CRB1: variants seen among roughly 807,000 people sequenced by gnomAD.
CRB1 encodes protein crumbs homolog 1.
Under a neutral mutation model 120.0 loss-of-function variants are expected in CRB1, and 83 were observed. The observed-to-expected ratio is 0.69, with a 90% CI of 0.58 to 0.83. The LOEUF (loss-of-function observed/expected upper bound fraction) is 0.83, where lower values mean the gene tolerates loss of function less well. Ranked by LOEUF, CRB1 falls within the 40% of genes least tolerant of loss-of-function variation. The probability of loss-of-function intolerance (pLI) is 0.00; values close to 1 mark genes in which losing one functional copy is unlikely to be tolerated. For missense variants in CRB1, 1,699 were observed against 1,687.6 expected (o/e 1.01, Z -0.12); for synonymous variants, 625 against 612.5 (o/e 1.02, Z -0.30).
At chr1:197,314,151 T>C (rs1461004930) in intron 1 of CRB1, among the ~76,000 whole-genome samples, 1 of 152,204 alleles carries the variant, frequency 6.6e-6, no homozygotes, top group Non-Finnish European at 1.5e-5. Flanking sequence ...GGTACTGCAA[T>C]TATATGGGAA....
chr1:197,374,278 G>T (rs1353910223), intron 5 of CRB1, among the ~76,000 whole-genome samples: 1 of 152,148 alleles, frequency 6.6e-6, no homozygotes, highest in African/African-American at 2.4e-5. Flanking sequence ...CCCCAGTTGG[G>T]AGTGCAAGGA....
At chr1:197,477,596 T>C in intron 11 of CRB1, 68 bp from the exon 12 acceptor site, 1 of 1,459,826 alleles carries the variant, frequency 6.9e-7, no homozygotes, top group East Asian at 2.3e-5. Flanking sequence ...CCTGAGTAGT[T>C]CCATTGTCCT....
At chr1:197,204,767 T>C in the CRB1 span, among the ~76,000 whole-genome samples, 6 of 152,324 alleles carry the variant, frequency 3.9e-5, no homozygotes, top group South Asian at 8.3e-4. Flanking sequence ...GTGCAGAAAA[T>C]TGTAGTTTAA....
In CRB1 at chr1:197,298,609, G is replaced by A. The variant is rs548834635; in HGVS notation, c.71-29813G>A. Among the ~76,000 whole-genome samples, 64 of 152,188 alleles carry A rather than the reference G, an allele frequency of 4.2e-4. No homozygotes were observed. In the South Asian group the frequency reaches 0.013, roughly 31 times the overall value. On this transcript the variant is annotated intron_variant, in intron 1 of 11. Coordinates refer to ENST00000367400, the MANE Select transcript of CRB1 (RefSeq NM_201253.3). ...ACTCCTGAGGAAGAATAATGACTTG[G>A]AGGGAATATGTCCTACCAGATAATA...
At chr1:197,317,907 G>A (rs1025147986) in intron 1 of CRB1, among the ~76,000 whole-genome samples, 2 of 150,564 alleles carry the variant, frequency 1.3e-5, no homozygotes, top group Non-Finnish European at 2.9e-5. Flanking sequence ...AAAACATAGG[G>A]GAAAAGCTCT....
At chr1:197,392,292 C>A (rs1558103526) in intron 5 of CRB1, among the ~76,000 whole-genome samples, 1 of 151,824 alleles carries the variant, frequency 6.6e-6, no homozygotes, top group Non-Finnish European at 1.5e-5. Flanking sequence ...TATATAATTT[C>A]CTTCTTTAAA....
the CRB1 span, among the ~76,000 whole-genome samples, chr1:197,262,570 G>A: frequency 6.6e-6 from 1 of 152,068 alleles, no homozygotes; most frequent in African/African-American, 2.4e-5. Flanking sequence ...GGGTAGATGT[G>A]CAGATATGTT....
intron 2 of CRB1, among the ~76,000 whole-genome samples, chr1:197,335,232 T>C (rs116775056): frequency 1.3e-3 from 204 of 152,236 alleles, no homozygotes; most frequent in African/African-American, 4.3e-3. Context: ...GAGGTCAGAC[T>C]GTTTGGGACC....
intron 1 of CRB1, among the ~76,000 whole-genome samples, chr1:197,310,027 G>A (rs766076729): frequency 6.6e-6 from 1 of 152,070 alleles, no homozygotes; most frequent in Admixed American, 6.6e-5. Context: ...TGATTTTTGT[G>A]TATAGCTTTC....
chr1:197,376,906 A>T (rs937362093), intron 5 of CRB1, among the ~76,000 whole-genome samples: 4 of 151,732 alleles, frequency 2.6e-5, no homozygotes, highest in South Asian at 2.1e-4. Context: ...CTGAGTCCTC[A>T]CTCTCTTCAC....
chr1:197,473,578 A>G (rs1395084469), intron 11 of CRB1, among the ~76,000 whole-genome samples: 1 of 152,022 alleles, frequency 6.6e-6, no homozygotes, highest in Non-Finnish European at 1.5e-5. Context: ...AAAGATGTTA[A>G]TATGATAACT....
At chr1:197,222,881 G>A in the CRB1 span, 16 of 1,359,364 alleles carry the variant, frequency 1.2e-5, no homozygotes, top group South Asian at 2.3e-5. Context: ...AAATTGGGAA[G>A]CATTACAGGG....
intron 5 of CRB1, among the ~76,000 whole-genome samples, chr1:197,360,829 G>A (rs1660731672): frequency 6.6e-6 from 1 of 152,192 alleles, no homozygotes; most frequent in South Asian, 2.1e-4. Flanking sequence ...AGTTGTGAGA[G>A]CAGACGTCTT....
intron 11 of CRB1, among the ~76,000 whole-genome samples, chr1:197,454,478 A>T (rs1225663851): frequency 6.6e-6 from 1 of 152,132 alleles, no homozygotes; most frequent in Admixed American, 6.5e-5. Context: ...TCATTTCTTA[A>T]CGTGAGGTCA....
At chr1:197,265,948 C>T (rs1199830119), upstream of CRB1, among the ~76,000 whole-genome samples, 1 of 152,084 alleles carries the variant, frequency 6.6e-6, no homozygotes, top group Admixed American at 6.6e-5. Flanking sequence ...CTACTTAAAA[C>T]CTATTAATGG....
intron 1 of CRB1, among the ~76,000 whole-genome samples, chr1:197,293,171 T>G (rs1656298246): frequency 6.6e-6 from 1 of 152,186 alleles, no homozygotes; most frequent in South Asian, 2.1e-4. Context: ...CCCCATCGTC[T>G]CAGTGCAAAA....
chr1:197,394,342 G>A (rs1292141278), intron 5 of CRB1, among the ~76,000 whole-genome samples: 1 of 151,948 alleles, frequency 6.6e-6, no homozygotes, highest in Non-Finnish European at 1.5e-5. Flanking sequence ...CATATAACAT[G>A]CAAAATATGT....
intron 2 of CRB1, among the ~76,000 whole-genome samples, chr1:197,329,434 C>A (rs759825849): frequency 3.3e-5 from 5 of 152,084 alleles, no homozygotes; most frequent in Non-Finnish European, 7.4e-5. Context: ...ATCAACAGAT[C>A]AGTGGTAGTA....
rs73071625 is a variant in CRB1, at chr1:197,341,805, C to T, written c.653-2476C>T. On this transcript the variant is annotated intron_variant, in intron 2 of 11. Transcript: ENST00000367400. ...TTCCACACAATCCTCTTTGAAGAGT[C>T]CTTATCTCCATGATTCATTCTTAAG... 3.0e-3 allele frequency among the ~76,000 whole-genome samples: 457 copies of T among 152,242 alleles called. 1 individual carries two copies. The highest frequency in any genetic ancestry group is 0.01 in the African/African-American group (433 of 41,530).
Sources: allele counts gnomAD v4.1 joint callset (sites outside exome capture counted in the v4.1 genomes callset), GRCh38; gene constraint gnomAD v4.1.1; transcripts MANE v1.5; gene names NCBI Gene and HGNC (gene_info 2026-07-23, HGNC 2026-07-21).